The following C2CD3 variants were observed in gnomAD, a reference collection of about 807,000 sequenced individuals.
The protein encoded by C2CD3 is C2 domain containing 3 centriole elongation regulator.
In C2CD3, 148 loss-of-function variants were observed where a neutral mutation model predicts 234.0. The observed-to-expected ratio is 0.63, with a 90% confidence interval of 0.55 to 0.72. The LOEUF (loss-of-function observed/expected upper bound fraction) is 0.72. Ranked by LOEUF, C2CD3 falls within the 30% of genes least tolerant of loss-of-function variation. The probability of loss-of-function intolerance (pLI) is 0.00; values close to 1 mark genes in which losing one functional copy is unlikely to be tolerated. For missense variants in C2CD3, 2,577 were observed against 2,811.5 expected (o/e 0.92, Z 1.89); for synonymous variants, 1,000 against 1,035.4 (o/e 0.97, Z 0.66).
intron 13 of C2CD3, among the ~76,000 whole-genome samples, chr11:74,105,309 C>T (rs1183327718): frequency 6.6e-6 from 1 of 151,732 alleles, no homozygotes; most frequent in Non-Finnish European, 1.5e-5. Context: ...CTTGCTCTGT[C>T]GCCCAGGCTG....
At chr11:74,058,516 G>C (rs965651080) in intron 24 of C2CD3, among the ~76,000 whole-genome samples, 1 of 152,052 alleles carries the variant, frequency 6.6e-6, no homozygotes, top group Non-Finnish European at 1.5e-5. Context: ...ACTGGGTACT[G>C]AGAAATTAAA....
intron 28 of C2CD3, among the ~76,000 whole-genome samples, chr11:74,045,385 G>A (rs1953310999): frequency 6.6e-6 from 1 of 152,078 alleles, no homozygotes; most frequent in East Asian, 1.9e-4. Flanking sequence ...CATGTGCCTT[G>A]AATTTCCATA....
chr11:74,147,320 C>T (rs552587189), intron 3 of C2CD3, among the ~76,000 whole-genome samples: 62 of 151,798 alleles, frequency 4.1e-4, no homozygotes, highest in Non-Finnish European at 7.5e-4. Context: ...GGAAGGCTGT[C>T]GTGGGAGGAT....
chr11:74,121,297 C>T (rs369029458), intron 8 of C2CD3, among the ~76,000 whole-genome samples: 14 of 152,104 alleles, frequency 9.2e-5, no homozygotes, highest in African/African-American at 1.9e-4. Context: ...CTATCTCATG[C>T]GGCTGGTAAA....
intron 7 of C2CD3, among the ~76,000 whole-genome samples, chr11:74,127,554 T>A (rs1957452098): frequency 6.6e-6 from 1 of 152,032 alleles, no homozygotes; most frequent in Admixed American, 6.6e-5. Context: ...TTTACATAGA[T>A]GTATGTTGTA....
chr11:74,014,029 A>C (rs1951789224), intron 32 of C2CD3, among the ~76,000 whole-genome samples: 1 of 152,106 alleles, frequency 6.6e-6, no homozygotes, highest in South Asian at 2.1e-4. Flanking sequence ...GACATAAAGC[A>C]CCTACCTACT....
intron 28 of C2CD3, among the ~76,000 whole-genome samples, chr11:74,043,858 C>G (rs1020945428): frequency 6.6e-6 from 1 of 152,012 alleles, no homozygotes; most frequent in African/African-American, 2.4e-5. Flanking sequence ...TATTTTGAGA[C>G]AGGGTCTCAC....
At chr11:74,089,395 A>T (rs1318104549) in intron 20 of C2CD3, among the ~76,000 whole-genome samples, 1 of 152,254 alleles carries the variant, frequency 6.6e-6, no homozygotes, top group East Asian at 1.9e-4. Context: ...TCTTGACATC[A>T]CCTTCACTAA....
intron 1 of C2CD3, 75 bp downstream of exon 1, chr11:74,170,663 G>C: frequency 2.6e-6 from 4 of 1,524,076 alleles, no homozygotes; most frequent in Non-Finnish European, 3.6e-6. Context: ...TCCAGCGGGG[G>C]TGCGGGTCTC....
intron 32 of C2CD3, among the ~76,000 whole-genome samples, chr11:74,017,372 A>T (rs1951917540): frequency 6.6e-6 from 1 of 152,246 alleles, no homozygotes; most frequent in African/African-American, 2.4e-5. Flanking sequence ...CCTCATCCAT[A>T]CATGGGACCT....
intron 6 of C2CD3, 69 bp from the exon 7 acceptor site, chr11:74,133,041 T>C: frequency 6.9e-7 from 1 of 1,451,996 alleles, no homozygotes; most frequent in Non-Finnish European, 9.6e-7. Context: ...CATAATCACT[T>C]CGTACATGCA....
intron 3 of C2CD3, chr11:74,142,267 A>G (rs1854857536): frequency 6.6e-6 from 1 of 152,282 alleles, no homozygotes; most frequent in Non-Finnish European, 1.5e-5. Context: ...TGGCTAAACC[A>G]AGAAAGAAGG....
intron 26 of C2CD3, among the ~76,000 whole-genome samples, chr11:74,053,956 T>C (rs1953825630): frequency 1.3e-5 from 2 of 151,332 alleles, no homozygotes; most frequent in Admixed American, 6.6e-5. Context: ...CCTGGCAACA[T>C]AGTGAGACCT....
Position 74,054,395 on chromosome 11 carries a change from CA to C in C2CD3, c.5155+211del, listed in dbSNP as rs372878453. On this transcript the variant is annotated intron_variant, in intron 26 of 32. Coordinates refer to ENST00000334126, the MANE Select transcript of C2CD3 (RefSeq NM_001286577.2). ...TTAGGTGACAGAGCAAGATCTTGTT[CA>C]AAAAAAAAAATTTTTTTTTTCTTAC... Among the ~76,000 whole-genome samples, 153 of 140,876 alleles carry C rather than the reference CA, an allele frequency of 1.1e-3. 2 individuals are homozygous for C. The highest frequency in any genetic ancestry group is 3.6e-3 in the African/African-American group (137 of 38,560). The allele number at this position is 140,876 out of a possible 152,430, so 92.4% of individuals were successfully genotyped here. A position where few individuals can be genotyped will look rare whatever the true frequency, so the allele number is the denominator to read the frequency against.
At chr11:74,094,265 A>G (rs958031240) in intron 17 of C2CD3, among the ~76,000 whole-genome samples, 1 of 141,226 alleles carries the variant, frequency 7.1e-6, no homozygotes, top group African/African-American at 2.7e-5. Flanking sequence ...GGTAGTTTTG[A>G]TTTGCATTTC....
Position 74,054,660 on chromosome 11 carries a change from T to C in C2CD3, c.5102A>G (p.Glu1701Gly), listed in dbSNP as rs2135436222. The C allele has an allele frequency of 6.2e-7, 1 of 1,611,926 alleles. No individual in the cohort carries two copies. ...NFQQQSRLSK[E>G]LLLDPQQTLV... The stretch of plus-strand genomic sequence containing the variant: ...GGTTTGTTGTGGGTCCAGAAGCAGC[T>C]CTTTTGATAGCCTATTAAGAAAAAC... Residue 1701 changes from glutamate to glycine, a missense_variant, in exon 26 of 33, where the codon GAG becomes GGG. Glu to Gly is a moderately conservative substitution (Grantham distance 98, BLOSUM62 -2). Coordinates refer to ENST00000334126, the MANE Select transcript of C2CD3 (RefSeq NM_001286577.2).
intron 3 of C2CD3, among the ~76,000 whole-genome samples, chr11:74,158,100 A>T (rs776317928): frequency 9.2e-5 from 14 of 152,218 alleles, no homozygotes; most frequent in Non-Finnish European, 1.5e-4. Flanking sequence ...AACATAGGGG[A>T]AATGCTTCAT....
intron 28 of C2CD3, among the ~76,000 whole-genome samples, chr11:74,047,773 CCTTG>C: frequency 6.6e-6 from 1 of 152,176 alleles, no homozygotes; most frequent in Non-Finnish European, 1.5e-5. Context: ...TAGACCCTGT[CCTTG>C]TATAGGATGG....
At chr11:74,136,710 C>A (rs1204707164) in intron 5 of C2CD3, among the ~76,000 whole-genome samples, 1 of 152,120 alleles carries the variant, frequency 6.6e-6, no homozygotes, top group Non-Finnish European at 1.5e-5. Context: ...GCTCCTTTTA[C>A]CAGTCTGGTT....
Sources: allele counts gnomAD v4.1 joint callset (sites outside exome capture counted in the v4.1 genomes callset), GRCh38; gene constraint gnomAD v4.1.1; transcripts MANE v1.5; gene names NCBI Gene and HGNC (gene_info 2026-07-23, HGNC 2026-07-21).